Variants in GPHN observed in about 807,000 individuals in gnomAD.
The protein encoded by GPHN is gephyrin.
Under a neutral mutation model 95.5 loss-of-function variants are expected in GPHN, and 17 were observed. The observed-to-expected ratio is 0.18, with a 90% CI of 0.12 to 0.27. The LOEUF (loss-of-function observed/expected upper bound fraction) is 0.27. Among genes scored for constraint, GPHN ranks in the 10% least tolerant of loss-of-function variants. The pLI, the probability that GPHN is intolerant of heterozygous loss-of-function variation, is 1.00. For synonymous variants in GPHN, 320 were observed against 322.5 expected (o/e 0.99, Z 0.08); for missense variants, 660 against 978.1 (o/e 0.67, Z 4.34).
At chr14:67,050,996 T>G (rs1269367097) in intron 10 of GPHN, among the ~76,000 whole-genome samples, 1 of 144,518 alleles carries the variant, frequency 6.9e-6, no homozygotes, top group Non-Finnish European at 1.5e-5. Context: ...CCCTCATAAG[T>G]CCACACCACC....
chr14:66,688,513 T>G lies in GPHN; in HGVS notation c.143+7328T>G, dbSNP rs891616884. Among the ~76,000 whole-genome samples, 84 of 152,224 alleles carry G rather than the reference T, an allele frequency of 5.5e-4. 1 individual carries two copies. Among genetic ancestry groups the G allele is most frequent in the African/African-American group, 2.0e-3 (82 of 41,464 alleles). On this transcript the variant is annotated intron_variant, in intron 2 of 22. Coordinates refer to ENST00000478722, the MANE Select transcript of GPHN (RefSeq NM_020806.5). Reference sequence around the variant, plus strand: ...TTTTCCACTAGTTTATTGCTGATGTTTAGAAATGGTACTTATTTTTTACCT... The same window carrying G: ...TTTTCCACTAGTTTATTGCTGATGTGTAGAAATGGTACTTATTTTTTACCT...
the GPHN span, chr14:67,727,467 A>T: frequency 1.9e-5 from 7 of 371,226 alleles, no homozygotes; most frequent in East Asian, 6.4e-5. Context: ...CAACAGACAG[A>T]GGCTTTTTGT....
At chr14:66,634,035 A>G (rs550267413) in intron 1 of GPHN, among the ~76,000 whole-genome samples, 1 of 149,846 alleles carries the variant, frequency 6.7e-6, no homozygotes, top group East Asian at 2.0e-4. Flanking sequence ...AATTATTTAT[A>G]TGTGTTCTTT....
the GPHN span, among the ~76,000 whole-genome samples, chr14:67,669,077 T>C: frequency 2.0e-5 from 3 of 152,142 alleles, no homozygotes; most frequent in African/African-American, 4.8e-5. Flanking sequence ...ACTCATTTAC[T>C]CCTCACAAAA....
intron 4 of GPHN, among the ~76,000 whole-genome samples, chr14:66,871,023 T>C (rs1203293074): frequency 6.6e-6 from 1 of 152,164 alleles, no homozygotes; most frequent in Non-Finnish European, 1.5e-5. Context: ...CAGTGGTATG[T>C]TTTAGAGGAT....
the GPHN span, among the ~76,000 whole-genome samples, chr14:67,694,368 C>T: frequency 2.0e-5 from 3 of 151,068 alleles, no homozygotes; most frequent in Non-Finnish European, 2.9e-5. Context: ...AAAGAGACAA[C>T]TATAAAAGTC....
At chr14:66,533,289 T>C (rs2059015401) in intron 1 of GPHN, among the ~76,000 whole-genome samples, 2 of 152,204 alleles carry the variant, frequency 1.3e-5, no homozygotes, top group African/African-American at 2.4e-5. Context: ...GCTTTTAGTA[T>C]CTGCTATCTT....
chr14:67,088,016 T>C (rs573804589), intron 11 of GPHN, among the ~76,000 whole-genome samples: 1 of 152,194 alleles, frequency 6.6e-6, no homozygotes, highest in Non-Finnish European at 1.5e-5. Context: ...GAGCCAAAAG[T>C]GATTTTCATC....
chr14:67,706,658 CTT>C, the GPHN span, among the ~76,000 whole-genome samples: 8 of 152,156 alleles, frequency 5.3e-5, no homozygotes, highest in South Asian at 2.1e-4. Flanking sequence ...AGAGGGATGA[CTT>C]TGAATAGAAT....
At chr14:66,973,338 T>A (rs764456569) in intron 9 of GPHN, among the ~76,000 whole-genome samples, 9 of 152,210 alleles carry the variant, frequency 5.9e-5, no homozygotes, top group Non-Finnish European at 1.3e-4. Flanking sequence ...TTTGAAGATA[T>A]AAGACCAGAA....
chr14:67,671,347 G>A, the GPHN span, among the ~76,000 whole-genome samples: 1 of 152,034 alleles, frequency 6.6e-6, no homozygotes. Context: ...CCAACATGGT[G>A]AAACCCCGTG....
chr14:67,335,278 C>A, the GPHN span: 1 of 152,342 alleles, frequency 6.6e-6, no homozygotes, highest in African/African-American at 2.4e-5. Flanking sequence ...TTGTTGCTGA[C>A]CTCCACAAAA....
At chr14:66,596,151 G>T (rs2061963455) in intron 1 of GPHN, among the ~76,000 whole-genome samples, 1 of 151,984 alleles carries the variant, frequency 6.6e-6, no homozygotes, top group African/African-American at 2.4e-5. Context: ...TTTTCTGCTG[G>T]CAGATTGTCC....
chr14:66,577,226 G>A (rs1228263825), intron 1 of GPHN, among the ~76,000 whole-genome samples: 2 of 152,058 alleles, frequency 1.3e-5, no homozygotes, highest in African/African-American at 4.8e-5. Flanking sequence ...AAATAGTGTA[G>A]GTTATCACAA....
chr14:67,647,456 G>GA, the GPHN span: 2 of 159,034 alleles, frequency 1.3e-5, no homozygotes, highest in Non-Finnish European at 2.7e-5. Context: ...ACTTCTGGGT[G>GA]ATTAATGTCA....
At chr14:66,708,820 A>G (rs928055069) in intron 2 of GPHN, among the ~76,000 whole-genome samples, 9 of 152,074 alleles carry the variant, frequency 5.9e-5, no homozygotes, top group African/African-American at 2.2e-4. Flanking sequence ...TTTTTCTTCC[A>G]CTAAACTTGC....
At chr14:66,962,097 GT>G (rs2068992997) in intron 8 of GPHN, among the ~76,000 whole-genome samples, 1 of 149,878 alleles carries the variant, frequency 6.7e-6, no homozygotes, top group Non-Finnish European at 1.5e-5. Context: ...CTTACCTCCA[GT>G]TTTTTTCTTG....
At chr14:66,612,507 G>A (rs1366530674) in intron 1 of GPHN, among the ~76,000 whole-genome samples, 1 of 151,948 alleles carries the variant, frequency 6.6e-6, no homozygotes, top group African/African-American at 2.4e-5. Context: ...ACAAGTTATC[G>A]TTATGACATT....
Position 66,880,063 on chromosome 14 carries a change from A to G in GPHN, c.389+30A>G, listed in dbSNP as rs1263209832. 8 of 1,310,388 alleles carry G rather than the reference A, an allele frequency of 6.1e-6. No homozygotes were observed. In the South Asian group the frequency reaches 7.1e-5, roughly 12 times the overall value. 81.2% of individuals were successfully genotyped at this position (1,310,388 alleles called of 1,614,324 possible). A position where few individuals can be genotyped will look rare whatever the true frequency, so the allele number is the denominator to read the frequency against. ...GAAAGTCACCAACATGTTGCAAACCATTTGCTAGGTGAACTGTTTCCGTGA... is the reference window on the plus strand; with the variant it reads ...GAAAGTCACCAACATGTTGCAAACCGTTTGCTAGGTGAACTGTTTCCGTGA... On this transcript the variant is annotated intron_variant, in intron 5 of 22. Coordinates refer to ENST00000478722, the MANE Select transcript of GPHN (RefSeq NM_020806.5).
Sources: gnomAD v4.1 joint callset for allele counts (sites outside exome capture counted in the v4.1 genomes callset) on GRCh38, gnomAD v4.1.1 for gene constraint, MANE v1.5 for transcripts, NCBI Gene and HGNC (gene_info 2026-07-23, HGNC 2026-07-21) for gene names.